The following SHISA9 variants were observed in gnomAD, a reference collection of about 807,000 sequenced individuals.
SHISA9 encodes protein shisa-9.
A neutral mutation model predicts 38.0 loss-of-function variants in SHISA9; 13 were observed. The observed-to-expected ratio is 0.34, with a 90% confidence interval of 0.22 to 0.54. The LOEUF (loss-of-function observed/expected upper bound fraction) is 0.54. Among genes scored for constraint, SHISA9 ranks in the 20% least tolerant of loss-of-function variants. SHISA9 has a pLI of 0.91. For synonymous variants in SHISA9, 275 were observed against 242.0 expected, an observed-to-expected ratio of 1.14 and a Z score of -1.27; for missense variants, 538 against 575.8, an observed-to-expected ratio of 0.93 and a Z score of 0.67.
the SHISA9 span, among the ~76,000 whole-genome samples, chr16:13,481,165 C>T: frequency 1.6e-4 from 25 of 152,204 alleles, no homozygotes; most frequent in Middle Eastern, 3.2e-3. Flanking sequence ...AAAAGCTTGT[C>T]TTTGCGAACC....
intron 4 of SHISA9, among the ~76,000 whole-genome samples, chr16:13,213,940 G>A (rs2051143937): frequency 6.6e-6 from 1 of 152,124 alleles, no homozygotes; most frequent in Non-Finnish European, 1.5e-5. Flanking sequence ...AGGCTGTGTA[G>A]GCATTGTCAT....
At chr16:13,102,280 T>G (rs756711859) in intron 2 of SHISA9, among the ~76,000 whole-genome samples, 2 of 152,236 alleles carry the variant, frequency 1.3e-5, no homozygotes, top group Non-Finnish European at 2.9e-5. Context: ...CCTAGCACTG[T>G]GCACCAGCTC....
chr16:13,473,346 T>TTTC, the SHISA9 span, among the ~76,000 whole-genome samples: 1 of 136,496 alleles, frequency 7.3e-6, no homozygotes, highest in African/African-American at 2.7e-5. Context: ...TCTTTCTTTC[T>TTTC]TTCTTTTTTT....
intron 2 of SHISA9, among the ~76,000 whole-genome samples, chr16:13,138,138 T>C (rs1244541509): frequency 6.6e-6 from 1 of 152,206 alleles, no homozygotes; most frequent in Non-Finnish European, 1.5e-5. Context: ...TTTGAGTGGC[T>C]GTGCTCTAGG....
the SHISA9 span, chr16:13,258,499 G>A: frequency 6.6e-6 from 1 of 152,152 alleles, no homozygotes; most frequent in Non-Finnish European, 1.5e-5. Flanking sequence ...ACAATATGTT[G>A]AATAATTACA....
At chr16:13,108,206 G>A (rs374464337) in intron 2 of SHISA9, among the ~76,000 whole-genome samples, 1 of 151,562 alleles carries the variant, frequency 6.6e-6, no homozygotes, top group African/African-American at 2.4e-5. Context: ...ACGCCTCACT[G>A]AAGTCTTGAC....
chr16:12,976,376 C>A (rs1394817449), intron 2 of SHISA9, among the ~76,000 whole-genome samples: 1 of 152,156 alleles, frequency 6.6e-6, no homozygotes, highest in Non-Finnish European at 1.5e-5. Context: ...CAGGCATGAG[C>A]CACCATGCCT....
chr16:13,413,192 G>C, the SHISA9 span, among the ~76,000 whole-genome samples: 7 of 152,028 alleles, frequency 4.6e-5, no homozygotes, highest in Non-Finnish European at 1.0e-4. Flanking sequence ...CCACCATTAG[G>C]GTCTTCGAAT....
the SHISA9 span, among the ~76,000 whole-genome samples, chr16:13,377,917 C>T: frequency 6.6e-6 from 1 of 152,122 alleles, no homozygotes; most frequent in Non-Finnish European, 1.5e-5. Context: ...CCTGTAGTCC[C>T]AGCTACCTGG....
chr16:13,072,371 G>C (rs1244515113), intron 2 of SHISA9, among the ~76,000 whole-genome samples: 1 of 152,186 alleles, frequency 6.6e-6, no homozygotes, highest in Admixed American at 6.5e-5. Context: ...TAGCTTGGTG[G>C]TGGGGAGTGG....
At chr16:13,469,365 A>AAGAAAGAAAAGAAAAAGAAAG in the SHISA9 span, among the ~76,000 whole-genome samples, 93 of 64,464 alleles carry the variant, frequency 1.4e-3, no homozygotes, top group South Asian at 2.0e-3. Context: ...AAAGAAAAGA[A>AAGAAAGAAAAGAAAAAGAAAG]AAAGAAAGAA....
At chr16:13,200,304 G>A (rs2050992138) in intron 2 of SHISA9, among the ~76,000 whole-genome samples, 2 of 151,962 alleles carry the variant, frequency 1.3e-5, no homozygotes, top group South Asian at 4.2e-4. Flanking sequence ...GTTGTGTGAT[G>A]AGCTGCCAAT....
the SHISA9 span, among the ~76,000 whole-genome samples, chr16:13,500,609 G>C: frequency 6.6e-6 from 1 of 151,658 alleles, no homozygotes; most frequent in African/African-American, 2.4e-5. Flanking sequence ...TGGAGTGTGG[G>C]GGGAGGCAGA....
At chr16:13,150,032 A>T (rs1276313311) in intron 2 of SHISA9, among the ~76,000 whole-genome samples, 3 of 93,224 alleles carry the variant, frequency 3.2e-5, no homozygotes, top group Non-Finnish European at 6.7e-5. Context: ...CTCATCATTA[A>T]AAAAAAAAAA....
At chr16:13,538,352 C>G in the SHISA9 span, among the ~76,000 whole-genome samples, 21 of 152,118 alleles carry the variant, frequency 1.4e-4, no homozygotes, top group Non-Finnish European at 3.1e-4. Flanking sequence ...AAACACAAGA[C>G]ATACAGAATA....
intron 2 of SHISA9, among the ~76,000 whole-genome samples, chr16:13,170,635 A>T (rs780696193): frequency 2.0e-5 from 3 of 152,112 alleles, no homozygotes; most frequent in Non-Finnish European, 4.4e-5. Flanking sequence ...GTACCCCTGA[A>T]TTTCAAATAA....
intron 2 of SHISA9, among the ~76,000 whole-genome samples, chr16:13,172,276 C>T (rs1350823071): frequency 6.6e-6 from 1 of 152,190 alleles, no homozygotes. Context: ...TGCAGAGACA[C>T]TTAAGATGCC....
the SHISA9 span, among the ~76,000 whole-genome samples, chr16:13,335,250 G>C: frequency 6.6e-6 from 1 of 152,218 alleles, no homozygotes; most frequent in South Asian, 2.1e-4. Context: ...GGATTAGTTA[G>C]GTGAGAGCAA....
chr16:13,255,259 C>T, the SHISA9 span, among the ~76,000 whole-genome samples: 16 of 151,786 alleles, frequency 1.1e-4, no homozygotes, highest in Non-Finnish European at 2.1e-4. Flanking sequence ...TCTCTCTCTC[C>T]CTCTCTCATT....
Sources: allele counts gnomAD v4.1 joint callset (sites outside exome capture counted in the v4.1 genomes callset), GRCh38; gene constraint gnomAD v4.1.1; transcripts MANE v1.5; gene names NCBI Gene and HGNC (gene_info 2026-07-23, HGNC 2026-07-21).